PREP: variants seen among roughly 807,000 people sequenced by gnomAD.
PREP encodes the protein dJ355L5.1 (prolyl endopeptidase).
In PREP, 29 loss-of-function variants were observed where a neutral mutation model predicts 87.6. That is an observed-to-expected ratio of 0.33 (90% CI 0.25 to 0.45). The LOEUF (loss-of-function observed/expected upper bound fraction) is 0.45. PREP is among the 20% of genes least tolerant of loss of function. PREP has a pLI of 1.00. For synonymous variants in PREP, 337 were observed against 328.6 expected (o/e 1.03, Z -0.28); for missense variants, 695 against 886.5 (o/e 0.78, Z 2.74).
At chr6:105,292,129 T>C (rs1770309750) in intron 10 of PREP, among the ~76,000 whole-genome samples, 1 of 152,174 alleles carries the variant, frequency 6.6e-6, no homozygotes, top group South Asian at 2.1e-4. Flanking sequence ...AAACTCCTAT[T>C]AATGCAGATA....
intron 10 of PREP, among the ~76,000 whole-genome samples, chr6:105,301,564 G>C (rs1423869359): frequency 2.0e-5 from 3 of 152,190 alleles, no homozygotes; most frequent in African/African-American, 7.2e-5. Flanking sequence ...TATGTTCCAG[G>C]CATTTAACTT....
intron 2 of PREP, among the ~76,000 whole-genome samples, chr6:105,380,090 A>C (rs950035223): frequency 5.3e-5 from 8 of 152,222 alleles, no homozygotes; most frequent in Non-Finnish European, 1.2e-4. Context: ...AATGGTTTGG[A>C]AATTTACAAA....
At chr6:105,302,847 C>T in intron 10 of PREP, 1 of 351,290 alleles carries the variant, frequency 2.8e-6, no homozygotes, top group Non-Finnish European at 5.5e-6. Flanking sequence ...GCCCCCGCCG[C>T]CTGCTCCGAG....
intron 10 of PREP, among the ~76,000 whole-genome samples, chr6:105,310,606 C>T (rs948539544): frequency 2.0e-5 from 3 of 152,274 alleles, no homozygotes; most frequent in Admixed American, 2.0e-4. Context: ...TGGTTCAGCT[C>T]TCACCTCCCT....
rs148175713 is a variant in PREP at position 105,288,869 on chromosome 6, G to A, written c.1343C>T (p.Thr448Met). 2.1e-5 allele frequency: 34 copies of A among 1,613,054 alleles called. No homozygotes were observed. Among genetic ancestry groups the A allele is most frequent in the Non-Finnish European group, 2.6e-5 (31 of 1,179,060 alleles). The change falls in exon 11 of 15, where the codon ACG (threonine) becomes ATG (methionine). Residue 448 changes from threonine to methionine, a missense_variant. By Grantham distance (81) the Thr-to-Met change is moderately conservative. This residue lies in a region of PREP where 517 missense variants were observed against 620.3 expected (regional missense o/e 0.83). Coordinates refer to ENST00000652536, the MANE Select transcript of PREP (RefSeq NM_002726.5). ...ATGCACAATGAACATTGGAATCTTCGTACCATCCTTGCTAGGGTAGAAAAT... is the reference window on the plus strand; with the variant it reads ...ATGCACAATGAACATTGGAATCTTCATACCATCCTTGCTAGGGTAGAAAAT... Reference protein sequence around the residue: ...VQIFYPSKDGTKIPMFIVHKK... With the variant: ...VQIFYPSKDGMKIPMFIVHKK...
At chr6:105,333,252 C>T in intron 8 of PREP, 62 bp downstream of exon 8, 4 of 1,477,808 alleles carry the variant, frequency 2.7e-6, no homozygotes, top group Non-Finnish European at 3.8e-6. Context: ...GAGAGACGCA[C>T]TAACTTGTTG....
chr6:105,331,887 T>G (rs927184468), intron 8 of PREP, among the ~76,000 whole-genome samples: 3 of 152,076 alleles, frequency 2.0e-5, no homozygotes, highest in Middle Eastern at 3.2e-3. Context: ...GTGACAAGAT[T>G]ATTACCTTCT....
chr6:105,349,182 G>A (rs1466453673), intron 7 of PREP, among the ~76,000 whole-genome samples: 3 of 152,162 alleles, frequency 2.0e-5, no homozygotes, highest in South Asian at 4.1e-4. Flanking sequence ...TGCAGTTACT[G>A]GGTAAAGGAT....
intron 7 of PREP, among the ~76,000 whole-genome samples, chr6:105,348,436 T>C (rs969748926): frequency 1.3e-5 from 2 of 152,166 alleles, no homozygotes; most frequent in Admixed American, 6.6e-5. Flanking sequence ...CTCTAGGTGC[T>C]GGCAACTCCA....
chr6:105,283,043 G>A (rs374298818), intron 12 of PREP, among the ~76,000 whole-genome samples: 10 of 152,330 alleles, frequency 6.6e-5, no homozygotes, highest in Non-Finnish European at 1.5e-4. Context: ...CCGCGAAGAC[G>A]GAGGTGGAAG....
intron 2 of PREP, among the ~76,000 whole-genome samples, chr6:105,380,370 C>T (rs192306017): frequency 9.7e-4 from 147 of 152,228 alleles, no homozygotes; most frequent in Non-Finnish European, 1.8e-3. Flanking sequence ...CTACAGCAGG[C>T]GGCACCTGGT....
intron 10 of PREP, among the ~76,000 whole-genome samples, chr6:105,300,401 T>C (rs1770508335): frequency 1.3e-5 from 2 of 152,158 alleles, no homozygotes; most frequent in African/African-American, 4.8e-5. Context: ...ATGGCCATTC[T>C]ACCAAAAAAA....
At chr6:105,302,247 T>G (rs891697257) in intron 10 of PREP, among the ~76,000 whole-genome samples, 1 of 152,164 alleles carries the variant, frequency 6.6e-6, no homozygotes, top group Non-Finnish European at 1.5e-5. Context: ...CTCACTGCAA[T>G]GGGATTTATG....
intron 2 of PREP, among the ~76,000 whole-genome samples, chr6:105,395,342 T>C (rs921947490): frequency 5.3e-5 from 8 of 152,188 alleles, no homozygotes; most frequent in African/African-American, 1.4e-4. Flanking sequence ...TAATGTGTAA[T>C]TGATAACCAC....
chr6:105,322,089 AAAAG>A (rs1312571693), intron 10 of PREP, among the ~76,000 whole-genome samples: 2 of 152,188 alleles, frequency 1.3e-5, no homozygotes, highest in Non-Finnish European at 2.9e-5. Flanking sequence ...TAGAGGAAAA[AAAAG>A]AGCAAAGAAT....
intron 2 of PREP, among the ~76,000 whole-genome samples, chr6:105,394,782 A>C (rs1423405974): frequency 2.6e-5 from 4 of 152,186 alleles, no homozygotes; most frequent in Admixed American, 2.6e-4. Context: ...TCTCTAACAA[A>C]AGAGTCAGTA....
At chr6:105,301,175 A>G (rs142712094) in intron 10 of PREP, among the ~76,000 whole-genome samples, 91 of 152,390 alleles carry the variant, frequency 6.0e-4, no homozygotes, top group Non-Finnish European at 1.0e-3. Context: ...CAGCCCCTTC[A>G]GACAGAAGAA....
intron 2 of PREP, among the ~76,000 whole-genome samples, chr6:105,378,276 T>C (rs1485623587): frequency 6.6e-6 from 1 of 152,202 alleles, no homozygotes; most frequent in African/African-American, 2.4e-5. Context: ...CTGGCCAGCA[T>C]GGCGAAACCC....
chr6:105,333,314 C>T lies in PREP; in HGVS notation c.1015G>A (p.Glu339Lys). 6.2e-7 allele frequency: 1 copy of T among 1,613,310 alleles called. No homozygotes were observed. The part of the protein sequence containing the change: ...LVPEHEKDVL[E>K]WIACVRSNFL... ...ATTTTCAAGTCACATGTGTTCTCACCTAAGACATCTTTCTCATGCTCAGGA... is the reference window on the plus strand; with the variant it reads ...ATTTTCAAGTCACATGTGTTCTCACTTAAGACATCTTTCTCATGCTCAGGA... The change falls in exon 8 of 15, where the codon GAA becomes AAA. Residue 339 changes from glutamate to lysine, a missense_variant and splice_region_variant. By Grantham distance (56) the Glu-to-Lys change is moderately conservative. This residue lies in a region of PREP where 517 missense variants were observed against 620.3 expected (regional missense o/e 0.83). Coordinates refer to ENST00000652536, the MANE Select transcript of PREP (RefSeq NM_002726.5).
Sources: gnomAD v4.1 joint callset for allele counts (sites outside exome capture counted in the v4.1 genomes callset) on GRCh38, gnomAD v4.1.1 for gene constraint, gnomAD v4.1.1 regional missense constraint, MANE v1.5 for transcripts, NCBI Gene and HGNC (gene_info 2026-07-23, HGNC 2026-07-21) for gene names.